The following PIK3C2A variants were observed in gnomAD, a reference collection of about 807,000 sequenced individuals.
PIK3C2A encodes phosphatidylinositol 4-phosphate 3-kinase C2 domain-containing subunit alpha.
Under a neutral mutation model 204.5 loss-of-function variants are expected in PIK3C2A, and 97 were observed. The ratio of observed to expected loss-of-function variants is 0.47; its 90% confidence interval spans 0.40 to 0.56. The LOEUF (loss-of-function observed/expected upper bound fraction) is 0.56. Among genes scored for constraint, PIK3C2A ranks in the 20% least tolerant of loss-of-function variants. PIK3C2A has a pLI of 0.00. For missense variants in PIK3C2A, 1,735 were observed against 1,969.2 expected, an observed-to-expected ratio of 0.88 and a Z score of 2.25; for synonymous variants, 653 against 664.4, an observed-to-expected ratio of 0.98 and a Z score of 0.26.
Position 17,099,874 on chromosome 11 carries a change from T to C in PIK3C2A, c.4104A>G (p.Thr1368=). Residue 1368 remains threonine (T), a synonymous_variant, in exon 26 of 33, where the codon ACA becomes ACG. Coordinates refer to ENST00000691414, the MANE Select transcript of PIK3C2A (RefSeq NM_002645.4). ...ATATGCTTTACCTAGTAAAGAAAAT[T>C]GTAGCTTCTGCGTCTGTAGTTTGGG... The part of the protein sequence containing the change: ...LQPQTTDAEA[T]IFFTRLIESS... The C allele has an allele frequency of 6.7e-7, 1 of 1,490,012 alleles. No homozygotes were observed. The highest frequency in any genetic ancestry group is 9.4e-7 in the Non-Finnish European group (1 of 1,068,906). The allele number at this position is 1,490,012 out of a possible 1,614,324, so 92.3% of individuals were successfully genotyped here. A position where few individuals can be genotyped will look rare whatever the true frequency, so the allele number is the denominator to read the frequency against.
At position 17,201,984 on chromosome 11, in the gene PIK3C2A, G is replaced by A. The variant is rs182348435; in HGVS notation, c.-66+5864C>T. On this transcript the variant is annotated intron_variant, in intron 1 of 32. Coordinates refer to ENST00000691414, the MANE Select transcript of PIK3C2A (RefSeq NM_002645.4). Reference sequence around the variant, plus strand: ...TGAAAAGAATACTGGGGCCCGGGGCGGTGGCCCACACCTGTAATCCCAGCA... The same window carrying A: ...TGAAAAGAATACTGGGGCCCGGGGCAGTGGCCCACACCTGTAATCCCAGCA... 6.0e-3 allele frequency among the ~76,000 whole-genome samples: 908 copies of A among 152,202 alleles called. 18 individuals carry two copies. The highest frequency in any genetic ancestry group is 0.021 in the African/African-American group (862 of 41,526).
chr11:17,090,680 G>A (rs1848282143), intron 32 of PIK3C2A, among the ~76,000 whole-genome samples: 1 of 151,810 alleles, frequency 6.6e-6, no homozygotes. Flanking sequence ...AAATACTATT[G>A]GACTGTTATT....
chr11:17,206,499 A>C (rs919359051), intron 1 of PIK3C2A, among the ~76,000 whole-genome samples: 6 of 151,734 alleles, frequency 4.0e-5, no homozygotes, highest in African/African-American at 1.2e-4. Flanking sequence ...TGTCCAGATA[A>C]GGTTAGATCA....
At chr11:17,117,839 G>C (rs1045968170) in intron 18 of PIK3C2A, among the ~76,000 whole-genome samples, 168 bp from the exon 19 acceptor site, 2 of 140,936 alleles carry the variant, frequency 1.4e-5, no homozygotes, top group East Asian at 4.7e-4. Flanking sequence ...TCAGCCTCCC[G>C]AATAGCTGGG....
Position 17,087,203 on chromosome 11 carries a change from AGT to A in PIK3C2A, c.*2533_*2534del, listed in dbSNP as rs984127056. On this transcript the variant is annotated 3_prime_UTR_variant, in exon 33 of 33. Coordinates refer to ENST00000691414, the MANE Select transcript of PIK3C2A (RefSeq NM_002645.4). The stretch of plus-strand genomic sequence containing the variant: ...AATATTGTGATTATACATAAAAATT[AGT>A]GTCTTGGCCAGTTTGTTAAACTTTT... 9.2e-5 allele frequency: 14 copies of A among 152,176 alleles called. No homozygotes were observed. The highest frequency in any genetic ancestry group is 6.5e-5 in the Admixed American group (1 of 15,272). The allele number at this position is 152,176 out of a possible 1,614,324, so 9.4% of individuals were successfully genotyped here. A position where few individuals can be genotyped will look rare whatever the true frequency, so the allele number is the denominator to read the frequency against.
intron 2 of PIK3C2A, among the ~76,000 whole-genome samples, chr11:17,159,804 C>CA (rs1850717410): frequency 6.6e-6 from 1 of 152,132 alleles, no homozygotes; most frequent in Non-Finnish European, 1.5e-5. Flanking sequence ...AAGCTGGAGA[C>CA]AAAGGAGAGC....
intron 8 of PIK3C2A, among the ~76,000 whole-genome samples, chr11:17,139,549 T>G (rs1849987464): frequency 6.6e-6 from 1 of 152,176 alleles, no homozygotes; most frequent in Non-Finnish European, 1.5e-5. Flanking sequence ...AAGTAACTAG[T>G]ACAATTTCCG....
chr11:17,145,755 G>T, intron 7 of PIK3C2A, 24 bp from the exon 8 acceptor site: 1 of 1,575,624 alleles, frequency 6.3e-7, no homozygotes, highest in Non-Finnish European at 8.7e-7. Context: ...CAGTTATTGT[G>T]GCTGAAGGAT....
At chr11:17,201,807 G>A (rs1343982994) in intron 1 of PIK3C2A, among the ~76,000 whole-genome samples, 2 of 151,952 alleles carry the variant, frequency 1.3e-5, no homozygotes, top group Non-Finnish European at 2.9e-5. Flanking sequence ...AATAACTGAA[G>A]TACTTTTTGC....
intron 19 of PIK3C2A, 118 bp from the exon 20 acceptor site, chr11:17,114,583 G>A: frequency 3.6e-6 from 2 of 556,778 alleles, no homozygotes; most frequent in African/African-American, 3.7e-5. Flanking sequence ...TGAAAAAAAG[G>A]TTGTTACTAA....
chr11:17,185,322 C>T (rs1056563574), intron 1 of PIK3C2A, among the ~76,000 whole-genome samples: 3 of 152,134 alleles, frequency 2.0e-5, no homozygotes, highest in Admixed American at 2.0e-4. Context: ...GAGCAAAAGG[C>T]TATATACTAC....
In PIK3C2A at chr11:17,122,273, T is replaced by C. The variant is rs913255299; in HGVS notation, c.2572A>G (p.Ile858Val). 1.3e-6 allele frequency: 2 copies of C among 1,532,106 alleles called. No homozygotes were observed. The highest frequency in any genetic ancestry group is 1.4e-5 in the African/African-American group (1 of 73,296). 94.9% of individuals were successfully genotyped at this position (1,532,106 alleles called of 1,614,324 possible). A position where few individuals can be genotyped will look rare whatever the true frequency, so the allele number is the denominator to read the frequency against. The change falls in exon 15 of 33, where the codon ATT becomes GTT. Residue 858 changes from isoleucine to valine, a missense_variant. Coordinates refer to ENST00000691414, the MANE Select transcript of PIK3C2A (RefSeq NM_002645.4). The part of the protein sequence containing the change: ...IYTTPQVDRS[I>V]IQQHNLETLE... ...GTTTCTAAGTTATGTTGCTGTATAA[T>C]GCTTCTGTCAACTTGAGGAGTTGTA...
chr11:17,138,910 T>C (rs1412036302), intron 8 of PIK3C2A, among the ~76,000 whole-genome samples: 1 of 152,122 alleles, frequency 6.6e-6, no homozygotes, highest in Non-Finnish European at 1.5e-5. Flanking sequence ...TACTAATTAA[T>C]GATTTTTTTT....
At chr11:17,134,688 T>G in intron 11 of PIK3C2A, 131 bp downstream of exon 11, 1 of 673,092 alleles carries the variant, frequency 1.5e-6, no homozygotes, top group South Asian at 1.8e-5. Context: ...TTCTTTTTAG[T>G]AGAGATGAGG....
intron 1 of PIK3C2A, among the ~76,000 whole-genome samples, chr11:17,182,407 A>C (rs1851596288): frequency 1.3e-5 from 2 of 152,110 alleles, no homozygotes; most frequent in Admixed American, 1.3e-4. Context: ...TCTCTACACA[A>C]ATTTTAAAAA....
At chr11:17,172,423 T>C (rs1443497687) in intron 1 of PIK3C2A, among the ~76,000 whole-genome samples, 1 of 152,172 alleles carries the variant, frequency 6.6e-6, no homozygotes, top group Non-Finnish European at 1.5e-5. Context: ...GCCACCATCT[T>C]AGACCATCCA....
Position 17,109,468 on chromosome 11 carries a change from T to C in PIK3C2A, c.3544+964A>G, listed in dbSNP as rs769472646. Among the ~76,000 whole-genome samples, 9 of 152,246 alleles carry C rather than the reference T, an allele frequency of 5.9e-5. No homozygotes were observed. In the South Asian group the frequency reaches 6.2e-4, roughly 10 times the overall value. The stretch of plus-strand genomic sequence containing the variant: ...CATTATTTCAAAACAGTTCAATAAA[T>C]AGTAAGATAGAAATCTGCTATTAGT... On this transcript the variant is annotated intron_variant, in intron 22 of 32. Coordinates refer to ENST00000691414, the MANE Select transcript of PIK3C2A (RefSeq NM_002645.4).
intron 1 of PIK3C2A, among the ~76,000 whole-genome samples, chr11:17,205,702 C>G (rs1449394563): frequency 2.6e-5 from 4 of 152,038 alleles, no homozygotes; most frequent in African/African-American, 9.7e-5. Flanking sequence ...AAGCAATCTT[C>G]AATTAATTGA....
intron 23 of PIK3C2A, among the ~76,000 whole-genome samples, chr11:17,103,179 G>T (rs1234760483): frequency 7.4e-6 from 1 of 134,748 alleles, no homozygotes; most frequent in African/African-American, 2.8e-5. Flanking sequence ...GTGAGGTGCA[G>T]GATTCCACAA....
Sources: allele counts gnomAD v4.1 joint callset (sites outside exome capture counted in the v4.1 genomes callset), GRCh38; gene constraint gnomAD v4.1.1; transcripts MANE v1.5; gene names NCBI Gene and HGNC (gene_info 2026-07-23, HGNC 2026-07-21).